NCKAP5: variants seen among roughly 807,000 people sequenced by gnomAD.
NCKAP5 encodes nck-associated protein 5.
NCKAP5 carries 92 observed loss-of-function variants against 167.0 expected under a neutral mutation model. The observed-to-expected ratio is 0.55, with a 90% CI of 0.47 to 0.66. The LOEUF is 0.66. Ranked by LOEUF, NCKAP5 falls within the 30% of genes least tolerant of loss-of-function variation. The pLI, the probability that NCKAP5 is intolerant of heterozygous loss-of-function variation, is 0.00. For missense variants in NCKAP5, 2,378 were observed against 2,315.0 expected (o/e 1.03, Z -0.56); for synonymous variants, 891 against 877.4 (o/e 1.02, Z -0.27).
At chr2:133,616,769 A>T in the NCKAP5 span, among the ~76,000 whole-genome samples, 12 of 152,196 alleles carry the variant, frequency 7.9e-5, no homozygotes, top group South Asian at 2.1e-3. Flanking sequence ...TCCAATCAAT[A>T]GAAAAAGAGG....
intron 5 of NCKAP5, among the ~76,000 whole-genome samples, chr2:133,174,759 G>A (rs1006516246): frequency 1.3e-5 from 2 of 149,492 alleles, no homozygotes; most frequent in African/African-American, 5.0e-5. Flanking sequence ...TCTCCAAAGA[G>A]TCCCAGTTCA....
Position 133,465,226 on chromosome 2 carries a change from T to C in NCKAP5, c.69+52232A>G, listed in dbSNP as rs551001365. On this transcript the variant is annotated intron_variant, in intron 3 of 19. Transcript: ENST00000409261. ...TCCTGTGTCCATGTGATCTCATTGT[T>C]CAATTCCCACCTATGAGTGAGAATA... 1.1e-4 allele frequency among the ~76,000 whole-genome samples: 16 copies of C among 145,478 alleles called. No individual in the cohort carries two copies. In the South Asian group the frequency reaches 3.3e-3, roughly 30 times the overall value.
At chr2:133,485,291 C>T (rs76989657) in intron 3 of NCKAP5, among the ~76,000 whole-genome samples, 4,756 of 152,226 alleles carry the variant, frequency 0.031, 99 homozygotes, top group Admixed American at 0.07. Context: ...TTCCTCCCCC[C>T]GACAGCACGC....
chr2:132,958,899 C>A (rs1052913019), intron 8 of NCKAP5, among the ~76,000 whole-genome samples: 2 of 151,804 alleles, frequency 1.3e-5, no homozygotes, highest in Non-Finnish European at 2.9e-5. Flanking sequence ...ATATAGTTGC[C>A]TGTTTGCTTA....
At chr2:133,163,050 A>G (rs2083863280) in intron 5 of NCKAP5, among the ~76,000 whole-genome samples, 1 of 152,194 alleles carries the variant, frequency 6.6e-6, no homozygotes, top group South Asian at 2.1e-4. Context: ...AATGGGGGAA[A>G]CGTTCTAAAA....
Position 133,384,338 on chromosome 2 carries a change from G to C in NCKAP5, c.70-81228C>G, listed in dbSNP as rs187187778. 5.2e-3 allele frequency among the ~76,000 whole-genome samples: 794 copies of C among 152,170 alleles called. 13 individuals carry two copies. Among genetic ancestry groups the C allele is most frequent in the African/African-American group, 0.017 (705 of 41,502 alleles). On this transcript the variant is annotated intron_variant, in intron 3 of 19. Transcript: ENST00000409261. Reference sequence around the variant, plus strand: ...AATCCTTTCCCCATTTCTTGTTTTTGTCAGGTTCGTCAAAGATCAGATAGC... The same window carrying C: ...AATCCTTTCCCCATTTCTTGTTTTTCTCAGGTTCGTCAAAGATCAGATAGC...
At chr2:133,110,731 CAG>C (rs1216878620) in intron 6 of NCKAP5, among the ~76,000 whole-genome samples, 1 of 152,136 alleles carries the variant, frequency 6.6e-6, no homozygotes, top group Non-Finnish European at 1.5e-5. Flanking sequence ...AATACAAAGT[CAG>C]AGTTACAACT....
intron 15 of NCKAP5, among the ~76,000 whole-genome samples, chr2:132,777,648 G>A (rs913000381): frequency 6.6e-6 from 1 of 152,052 alleles, no homozygotes. Context: ...TGCAGGCGGA[G>A]GGCAAAATAT....
intron 3 of NCKAP5, among the ~76,000 whole-genome samples, chr2:133,415,512 C>T (rs1436536512): frequency 6.6e-6 from 1 of 152,178 alleles, no homozygotes; most frequent in African/African-American, 2.4e-5. Context: ...CAGCTGCAGG[C>T]CCAGGTCACT....
At chr2:133,671,209 C>T in the NCKAP5 span, among the ~76,000 whole-genome samples, 6 of 114,812 alleles carry the variant, frequency 5.2e-5, no homozygotes, top group African/African-American at 1.2e-4. Flanking sequence ...AGCAAGACTC[C>T]GTCTCAAAAA....
intron 2 of NCKAP5, among the ~76,000 whole-genome samples, chr2:133,525,436 A>T (rs1275444437): frequency 6.6e-6 from 1 of 152,220 alleles, no homozygotes. Context: ...GCCAACACAG[A>T]GAACTCAGGG....
At chr2:133,641,253 C>G in the NCKAP5 span, among the ~76,000 whole-genome samples, 1 of 152,198 alleles carries the variant, frequency 6.6e-6, no homozygotes, top group Non-Finnish European at 1.5e-5. Flanking sequence ...TTTACTTCCA[C>G]TGTCTTATGG....
chr2:132,971,489 A>G (rs913941839), intron 7 of NCKAP5, among the ~76,000 whole-genome samples: 1 of 152,206 alleles, frequency 6.6e-6, no homozygotes, highest in Non-Finnish European at 1.5e-5. Flanking sequence ...ATTTTCAAGT[A>G]TGGCAGCAGT....
At chr2:133,488,761 C>T (rs552527194) in intron 3 of NCKAP5, among the ~76,000 whole-genome samples, 2 of 152,096 alleles carry the variant, frequency 1.3e-5, no homozygotes, top group South Asian at 4.2e-4. Context: ...ACTAAAAATA[C>T]AAAAATTAGC....
At chr2:133,385,178 TG>T (rs767291192) in intron 3 of NCKAP5, among the ~76,000 whole-genome samples, 3 of 152,226 alleles carry the variant, frequency 2.0e-5, no homozygotes, top group Non-Finnish European at 2.9e-5. Flanking sequence ...ATATTGCCTG[TG>T]GGTCTGTCAT....
At chr2:133,109,441 T>C (rs1003143417) in intron 6 of NCKAP5, among the ~76,000 whole-genome samples, 4 of 152,208 alleles carry the variant, frequency 2.6e-5, no homozygotes, top group Admixed American at 1.3e-4. Context: ...GAATTATATT[T>C]CCCATGTGGC....
rs768083355 is a variant in NCKAP5 at position 132,728,905 on chromosome 2, T to C, written c.5491A>G (p.Thr1831Ala). 44 of 1,614,014 alleles carry C rather than the reference T, an allele frequency of 2.7e-5. 1 individual carries two copies. In the South Asian group the frequency reaches 4.4e-4, roughly 16 times the overall value. ...KQNEAEPRPQ[T>A]CSSFGYAEDP... is the part of the protein sequence containing the mutation. ...TCAGCATATCCGAATGATGAGCATG[T>C]CTGAGGCCTTGGCTCTGCTTCATTC... The change falls in exon 18 of 20, where the codon ACA (threonine) becomes GCA (alanine). Residue 1831 changes from threonine to alanine, a missense_variant. This residue lies in a region of NCKAP5 where 1,325 missense variants were observed against 1,274.5 expected (regional missense o/e 1.04). Transcript: ENST00000409261.
At chr2:132,882,401 C>T (rs1176010872) in intron 8 of NCKAP5, among the ~76,000 whole-genome samples, 7 of 152,090 alleles carry the variant, frequency 4.6e-5, no homozygotes, top group East Asian at 3.9e-4. Context: ...AGGATTCTTT[C>T]GTATCTTCTC....
At chr2:133,127,422 A>C (rs528908769) in intron 6 of NCKAP5, among the ~76,000 whole-genome samples, 1 of 152,306 alleles carries the variant, frequency 6.6e-6, no homozygotes, top group East Asian at 1.9e-4. Flanking sequence ...ACTTTACATG[A>C]GAAAACTAAT....
Sources: allele counts gnomAD v4.1 joint callset (sites outside exome capture counted in the v4.1 genomes callset), GRCh38; gene constraint gnomAD v4.1.1; regional missense constraint gnomAD v4.1.1; transcripts MANE v1.5; gene names NCBI Gene and HGNC (gene_info 2026-07-23, HGNC 2026-07-21).